SPOCK1: variants seen among roughly 807,000 people sequenced by gnomAD.
SPOCK1 encodes SPARC (osteonectin), cwcv and kazal like domains proteoglycan 1.
Under a neutral mutation model 55.3 loss-of-function variants are expected in SPOCK1, and 23 were observed. The observed-to-expected ratio is 0.42, with a 90% confidence interval of 0.30 to 0.59. SPOCK1 has a LOEUF of 0.59. Ranked by LOEUF, SPOCK1 falls within the 20% of genes least tolerant of loss-of-function variation. The probability of loss-of-function intolerance (pLI) is 0.22; values close to 1 mark genes in which losing one functional copy is unlikely to be tolerated. For synonymous variants in SPOCK1, 226 were observed against 221.0 expected, an observed-to-expected ratio of 1.02 and a Z score of -0.20; for missense variants, 499 against 552.5, an observed-to-expected ratio of 0.90 and a Z score of 0.97.
chr5:137,017,729 T>C (rs993277139), intron 6 of SPOCK1, among the ~76,000 whole-genome samples: 17 of 152,248 alleles, frequency 1.1e-4, no homozygotes, highest in African/African-American at 4.1e-4. Context: ...AGGATTAGGC[T>C]AAAAACAATT....
chr5:137,060,990 A>G (rs2127002770), intron 6 of SPOCK1, among the ~76,000 whole-genome samples: 1 of 152,342 alleles, frequency 6.6e-6, no homozygotes, highest in East Asian at 1.9e-4. Flanking sequence ...TTTTAAGGTC[A>G]TGACATTTAG....
chr5:137,237,814 T>A (rs940020467), intron 3 of SPOCK1, among the ~76,000 whole-genome samples: 4 of 152,214 alleles, frequency 2.6e-5, no homozygotes, highest in Non-Finnish European at 5.9e-5. Context: ...GAGTTCCTGC[T>A]GCAGCAGATA....
rs1327617274 is a variant in SPOCK1, at chr5:137,006,236, G to A, written c.590-13636C>T. Among the ~76,000 whole-genome samples the A allele has an allele frequency of 2.6e-5, 4 of 152,124 alleles. No individual in the cohort carries two copies. In the East Asian group the frequency reaches 7.7e-4, roughly 29 times the overall value. On this transcript the variant is annotated intron_variant, in intron 6 of 10. Coordinates refer to ENST00000394945, the MANE Select transcript of SPOCK1 (RefSeq NM_004598.4). ...ATTTAAAGTAGTTTTTTCTAATTCT[G>A]TGAAGAAAGTCAATGATAGCTTGAT...
Position 137,352,635 on chromosome 5 carries a change from G to A in SPOCK1, c.187-85580C>T, listed in dbSNP as rs748736113. Reference sequence around the variant, plus strand: ...GAAAGACGCAGGAGGAGGAAAAGACGAGGAAGAAGGAGGGAGGAGTGGAGG... The same window carrying A: ...GAAAGACGCAGGAGGAGGAAAAGACAAGGAAGAAGGAGGGAGGAGTGGAGG... On this transcript the variant is annotated intron_variant, in intron 2 of 10. Coordinates refer to ENST00000394945, the MANE Select transcript of SPOCK1 (RefSeq NM_004598.4). Among the ~76,000 whole-genome samples, 8 of 152,144 alleles carry A rather than the reference G, an allele frequency of 5.3e-5. No individual in the cohort carries two copies. In the East Asian group the frequency reaches 1.3e-3, roughly 26 times the overall value.
At chr5:137,125,263 C>A (rs530691457) in intron 4 of SPOCK1, among the ~76,000 whole-genome samples, 1 of 152,242 alleles carries the variant, frequency 6.6e-6, no homozygotes, top group East Asian at 1.9e-4. Flanking sequence ...ACAAGGGATA[C>A]AAGAGTGAAC....
chr5:137,145,325 ATTATC>A (rs1754171160), intron 3 of SPOCK1, among the ~76,000 whole-genome samples: 1 of 152,124 alleles, frequency 6.6e-6, no homozygotes, highest in African/African-American at 2.4e-5. Flanking sequence ...TGATATTTTA[ATTATC>A]TTAATTGTTT....
chr5:137,368,325 A>T (rs991643494), intron 2 of SPOCK1, among the ~76,000 whole-genome samples: 2 of 152,208 alleles, frequency 1.3e-5, no homozygotes, highest in Non-Finnish European at 2.9e-5. Flanking sequence ...AAGTTAAGGT[A>T]CAATGACAAC....
At chr5:137,103,791 C>G (rs979496535) in intron 5 of SPOCK1, among the ~76,000 whole-genome samples, 1 of 152,202 alleles carries the variant, frequency 6.6e-6, no homozygotes, top group Non-Finnish European at 1.5e-5. Context: ...ATAATTCTAA[C>G]AAAACTAGTA....
rs180796622 is a variant in SPOCK1 at position 136,994,117 on chromosome 5, G to A, written c.590-1517C>T. ...CCTGACTGGGTCTCTGCAACCTGGG[G>A]ACTCTCATTTACGACGCTGCCTTCT... On this transcript the variant is annotated intron_variant, in intron 6 of 10. Coordinates refer to ENST00000394945, the MANE Select transcript of SPOCK1 (RefSeq NM_004598.4). 1.9e-3 allele frequency among the ~76,000 whole-genome samples: 287 copies of A among 152,270 alleles called. 1 individual carries two copies. In the Middle Eastern group the frequency reaches 0.024, roughly 13 times the overall value.
chr5:137,126,778 G>A (rs1476400393), intron 4 of SPOCK1, among the ~76,000 whole-genome samples: 3 of 115,238 alleles, frequency 2.6e-5, no homozygotes, highest in Admixed American at 1.8e-4. Context: ...TAGAGGAAAG[G>A]CCACTTTTGT....
chr5:137,250,768 G>A (rs751300048), intron 3 of SPOCK1, among the ~76,000 whole-genome samples: 1 of 152,210 alleles, frequency 6.6e-6, no homozygotes, highest in African/African-American at 2.4e-5. Flanking sequence ...GGGAGTACCA[G>A]GGATATTTAC....
intron 5 of SPOCK1, among the ~76,000 whole-genome samples, chr5:137,098,450 G>T (rs747221443): frequency 1.3e-5 from 2 of 152,184 alleles, no homozygotes; most frequent in Non-Finnish European, 1.5e-5. Context: ...GGCAAAGGGT[G>T]GGTGTGTTAG....
rs1751400900 is a variant in SPOCK1 at position 137,013,933 on chromosome 5, TC to T, written c.590-21334del. Among the ~76,000 whole-genome samples, 3 of 152,082 alleles carry T rather than the reference TC, an allele frequency of 2.0e-5. No individual in the cohort carries two copies. The South Asian group carries it at 6.2e-4, about 32-fold the overall frequency. On this transcript the variant is annotated intron_variant, in intron 6 of 10. Transcript: ENST00000394945. Reference sequence around the variant, plus strand: ...AGGTAGTGGAGACAGTGGGGGCGCATCGGGGTAGTAAAGATGGCTCTGACTA... The same window carrying T: ...AGGTAGTGGAGACAGTGGGGGCGCATGGGGTAGTAAAGATGGCTCTGACTA...
chr5:137,039,297 T>TTG (rs1580720107), intron 6 of SPOCK1, among the ~76,000 whole-genome samples: 2 of 140,168 alleles, frequency 1.4e-5, no homozygotes, highest in Non-Finnish European at 3.1e-5. Flanking sequence ...TTTTTTTTTT[T>TTG]TGTTGTTGCA....
At chr5:137,395,913 A>C (rs531001610) in intron 2 of SPOCK1, among the ~76,000 whole-genome samples, 1 of 152,164 alleles carries the variant, frequency 6.6e-6, no homozygotes, top group African/African-American at 2.4e-5. Context: ...TCCCAGAAAG[A>C]TCCCAATCCC....
chr5:137,431,236 T>G (rs1288891585), intron 2 of SPOCK1, among the ~76,000 whole-genome samples: 3 of 152,216 alleles, frequency 2.0e-5, no homozygotes, highest in Non-Finnish European at 4.4e-5. Flanking sequence ...AGGAGAGGTT[T>G]TCTGTTACCT....
chr5:136,988,705 CCCCAGCTTTCTG>C (rs1750891416), intron 7 of SPOCK1, 62 bp from the exon 8 acceptor site: 1 of 1,482,154 alleles, frequency 6.7e-7, no homozygotes, highest in South Asian at 1.4e-5. Context: ...CCTGCTCACT[CCCCAGCTTTCTG>C]CCCCAAGAAG....
intron 3 of SPOCK1, among the ~76,000 whole-genome samples, chr5:137,174,388 A>C (rs1754812442): frequency 1.3e-5 from 2 of 152,366 alleles, no homozygotes; most frequent in Middle Eastern, 6.8e-3. Context: ...CATATGCTTC[A>C]AGACAATTAC....
intron 7 of SPOCK1, among the ~76,000 whole-genome samples, chr5:136,989,904 C>T (rs964898708): frequency 5.3e-5 from 8 of 151,986 alleles, no homozygotes; most frequent in African/African-American, 1.9e-4. Context: ...TAGAATACAG[C>T]AAAATGTACC....
Sources: allele counts gnomAD v4.1 joint callset (sites outside exome capture counted in the v4.1 genomes callset), GRCh38; gene constraint gnomAD v4.1.1; transcripts MANE v1.5; gene names NCBI Gene and HGNC (gene_info 2026-07-23, HGNC 2026-07-21).